Variants in ZNF320 observed in about 807,000 individuals in gnomAD.
ZNF320 encodes zinc finger protein 320.
ZNF320 carries 2 observed loss-of-function variants against 6.8 expected under a neutral mutation model. The ratio of observed to expected loss-of-function variants is 0.29; its 90% CI spans 0.12 to 0.93. ZNF320 has a LOEUF of 0.93. ZNF320 is among the 40% of genes least tolerant of loss of function. ZNF320 has a pLI of 0.55. For synonymous variants in ZNF320, 208 were observed against 203.2 expected (o/e 1.02, Z -0.20); for missense variants, 472 against 611.0 (o/e 0.77, Z 2.40).
At chr19:52,869,098 A>G (rs1019833946) in intron 5 of ZNF320, among the ~76,000 whole-genome samples, 9 of 152,068 alleles carry the variant, frequency 5.9e-5, no homozygotes, top group African/African-American at 1.7e-4. Flanking sequence ...AACTTTGTGC[A>G]TGCACCTCTG....
intron 5 of ZNF320, among the ~76,000 whole-genome samples, chr19:52,865,150 C>T (rs1033113751): frequency 7.9e-5 from 12 of 151,882 alleles, no homozygotes; most frequent in Non-Finnish European, 1.2e-4. Context: ...GATGAAACAA[C>T]GTCGCTACTA....
chr19:52,888,592 G>T, intron 4 of ZNF320, among the ~76,000 whole-genome samples: 1 of 101,484 alleles, frequency 9.9e-6, no homozygotes, highest in Non-Finnish European at 2.1e-5. Flanking sequence ...ATTGCACCAA[G>T]GCATTCTAGC....
chr19:52,894,729 T>G (rs1337709805), intron 1 of ZNF320: 1 of 151,772 alleles, frequency 6.6e-6, no homozygotes, highest in Non-Finnish European at 1.5e-5. Flanking sequence ...AAAATTAGCC[T>G]GGCATGGTGG....
chr19:52,874,870 G>A (rs557398695), downstream of ZNF320, among the ~76,000 whole-genome samples: 1 of 152,288 alleles, frequency 6.6e-6, no homozygotes, highest in Admixed American at 6.5e-5. Flanking sequence ...TAGGGGGACA[G>A]CCCAGGTGAA....
At chr19:52,888,938 C>T (rs1213392984) in intron 4 of ZNF320, among the ~76,000 whole-genome samples, 1 of 152,038 alleles carries the variant, frequency 6.6e-6, no homozygotes, top group Non-Finnish European at 1.5e-5. Flanking sequence ...GTAATCCCAA[C>T]ACTTTGGGAG....
At chr19:52,866,421 C>T (rs894472826) in intron 5 of ZNF320, among the ~76,000 whole-genome samples, 4 of 151,692 alleles carry the variant, frequency 2.6e-5, no homozygotes, top group Non-Finnish European at 5.9e-5. Context: ...CAGAGGCAGC[C>T]AGGGTGGCAT....
Position 52,876,680 on chromosome 19 carries a change from C to T in ZNF320, c.*3916G>A, listed in dbSNP as rs1310444386. On this transcript the variant is annotated 3_prime_UTR_variant, in exon 6 of 6. Coordinates refer to ENST00000682928, the MANE Select transcript of ZNF320 (RefSeq NM_001351774.2). The stretch of plus-strand genomic sequence containing the variant: ...ACCAGGCTAATTTCTATATTTTGGT[C>T]AAAACGAGGATTCGCCATGTTAGCC... The T allele has an allele frequency of 6.6e-6, 1 of 152,098 alleles. No homozygotes were observed. Among genetic ancestry groups the T allele is most frequent in the African/African-American group, 2.4e-5 (1 of 41,418 alleles). The allele number at this position is 152,098 out of a possible 1,614,324, so 9.4% of individuals were successfully genotyped here.
intron 5 of ZNF320, among the ~76,000 whole-genome samples, chr19:52,864,976 A>G (rs10414533): frequency 0.51 from 77,634 of 151,518 alleles, 20,367 homozygotes; most frequent in African/African-American, 0.61. Context: ...TCGGGCCACT[A>G]CACGCCAGCC....
downstream of ZNF320, among the ~76,000 whole-genome samples, chr19:52,872,621 C>A (rs1423113945): frequency 2.0e-5 from 3 of 152,150 alleles, no homozygotes; most frequent in Non-Finnish European, 4.4e-5. Context: ...CCTGCCTCAG[C>A]CTCCCAAGTA....
intron 5 of ZNF320, among the ~76,000 whole-genome samples, chr19:52,886,674 G>A (rs1459883951): frequency 1.3e-5 from 2 of 152,062 alleles, no homozygotes. Context: ...GGCAGCTCGC[G>A]CCTGTAATCC....
intron 4 of ZNF320, among the ~76,000 whole-genome samples, chr19:52,889,414 T>C (rs1202969638): frequency 6.6e-6 from 1 of 151,966 alleles, no homozygotes; most frequent in Non-Finnish European, 1.5e-5. Flanking sequence ...ATCATGCCAC[T>C]GTACTCCAGC....
chr19:52,901,146 T>C (rs1487071154), upstream of ZNF320, among the ~76,000 whole-genome samples: 2 of 152,198 alleles, frequency 1.3e-5, no homozygotes, highest in Admixed American at 6.5e-5. Context: ...ACACATCAGG[T>C]TGGTTATTCC....
intron 1 of ZNF320, among the ~76,000 whole-genome samples, chr19:52,894,569 T>C (rs2064413974): frequency 6.6e-6 from 1 of 152,096 alleles, no homozygotes; most frequent in African/African-American, 2.4e-5. Context: ...CACATAGCTA[T>C]AGGTGTTTAA....
chr19:52,876,629 C>G lies in ZNF320; in HGVS notation c.*3967G>C, dbSNP rs910412483. 2.0e-5 allele frequency: 3 copies of G among 152,154 alleles called. No individual in the cohort carries two copies. Among genetic ancestry groups the G allele is most frequent in the Admixed American group, 2.0e-4 (3 of 15,274 alleles). The allele number at this position is 152,154 out of a possible 1,614,324, so 9.4% of individuals were successfully genotyped here. A position where few individuals can be genotyped will look rare whatever the true frequency, so the allele number is the denominator to read the frequency against. On this transcript the variant is annotated 3_prime_UTR_variant, in exon 6 of 6. Transcript: ENST00000682928. ...TCTTCTGCCTCACCCTCCTGAATAG[C>G]TGGGATTACAGGCACTCGCCACCAC...
At chr19:52,875,708 A>G (rs2063754072), downstream of ZNF320, among the ~76,000 whole-genome samples, 1 of 151,862 alleles carries the variant, frequency 6.6e-6, no homozygotes, top group Non-Finnish European at 1.5e-5. Context: ...TGGGCCTGGG[A>G]GGCAGAGGTT....
At position 52,881,294 on chromosome 19, in the gene ZNF320, AC is replaced by A; in HGVS notation, c.831del (p.Glu277AspfsTer13). 6.2e-7 allele frequency: 1 copy of A among 1,614,108 alleles called. No individual in the cohort carries two copies. Among genetic ancestry groups the A allele is most frequent in the Non-Finnish European group, 8.5e-7 (1 of 1,180,006 alleles). Reference protein sequence around the residue: ...HTGEKPYKCNECGKTFARNSV... With the variant: ...HTGEKPYKCNXCGKTFARNSV... ...GAATTTCGAGCGAAGGTCTTGCCAC[AC>A]TCATTACATTTGTAAGGTTTCTCTC... On this transcript the variant is annotated frameshift_variant, in exon 6 of 6. Coordinates refer to ENST00000682928, the MANE Select transcript of ZNF320 (RefSeq NM_001351774.2). LOFTEE classifies it low-confidence loss of function (END_TRUNC).
rs780504603 is a variant in ZNF320, at chr19:52,880,653, A to G, written c.1473T>C (p.Pro491=). The G allele has an allele frequency of 2.5e-6, 4 of 1,613,368 alleles. No homozygotes were observed. The highest frequency in any genetic ancestry group is 1.1e-5 in the South Asian group (1 of 90,914). Residue 491 remains proline (P), a synonymous_variant, in exon 6 of 6, where the codon CCT becomes CCC. Coordinates refer to ENST00000682928, the MANE Select transcript of ZNF320 (RefSeq NM_001351774.2). ...TGCACTTGAAACAATTGTCTCCAAA[A>G]GGAATTTTCTGATGTTCTGCAAGGA... ...RSLLAEHQKI[P]FGDNCFKCNE... is the part of the protein sequence containing the mutation.
intron 5 of ZNF320, among the ~76,000 whole-genome samples, chr19:52,869,032 G>A: frequency 6.6e-6 from 1 of 152,098 alleles, no homozygotes; most frequent in Non-Finnish European, 1.5e-5. Flanking sequence ...TGTGAGGCAA[G>A]GCCAGGAAAG....
rs571141341 is a variant in ZNF320, at chr19:52,877,637, T to C, written c.*2959A>G. On this transcript the variant is annotated 3_prime_UTR_variant, in exon 6 of 6. Coordinates refer to ENST00000682928, the MANE Select transcript of ZNF320 (RefSeq NM_001351774.2). ...GTTCCCGGTTTGGGAGGGGCATATG[T>C]AGCTTTTTAAAAAATCTTTGTAACT... The C allele has an allele frequency of 6.6e-6, 1 of 152,358 alleles. No homozygotes were observed. The highest frequency in any genetic ancestry group is 1.9e-4 in the East Asian group (1 of 5,184). 9.4% of individuals were successfully genotyped at this position (152,358 alleles called of 1,614,324 possible).
Sources: gnomAD v4.1 joint callset for allele counts (sites outside exome capture counted in the v4.1 genomes callset) on GRCh38, gnomAD v4.1.1 for gene constraint, MANE v1.5 for transcripts, NCBI Gene and HGNC (gene_info 2026-07-23, HGNC 2026-07-21) for gene names.